MZT2A: variants seen among roughly 807,000 people sequenced by gnomAD.
The protein encoded by MZT2A is mitotic-spindle organizing protein 2A.
In MZT2A, 8 loss-of-function variants were observed where a neutral mutation model predicts 12.4. The observed-to-expected ratio is 0.64, with a 90% CI of 0.38 to 1.16. The LOEUF (loss-of-function observed/expected upper bound fraction) is 1.16, where lower values mean the gene tolerates loss of function less well. Ranked by LOEUF, MZT2A falls within the 50% of genes most tolerant of loss-of-function variation. The pLI, the probability that MZT2A is intolerant of heterozygous loss-of-function variation, is 0.01. For synonymous variants in MZT2A, 88 were observed against 107.5 expected, an observed-to-expected ratio of 0.82 and a Z score of 1.12; for missense variants, 181 against 223.6, an observed-to-expected ratio of 0.81 and a Z score of 1.22.
chr2:131,486,129 C>T (rs887551139), intron 2 of MZT2A, among the ~76,000 whole-genome samples: 4 of 150,792 alleles, frequency 2.7e-5, no homozygotes, highest in South Asian at 2.1e-4. Context: ...CAAGGAGGAG[C>T]GCAGTCAGGA....
chr2:131,492,819 C>T (rs1241470270), upstream of MZT2A: 129 of 1,444,312 alleles, frequency 8.9e-5, no homozygotes, highest in African/African-American at 2.3e-4. Context: ...ACCCTGCTTA[C>T]GCGCACGCGC....
chr2:131,477,551 C>T (rs187852647), intron 2 of MZT2A, among the ~76,000 whole-genome samples: 2,458 of 145,516 alleles, frequency 0.017, 61 homozygotes, highest in African/African-American at 0.064. Flanking sequence ...GAGGGAGTAC[C>T]CTGGCACTGC....
chr2:131,475,319 C>CTTTTTTTTTT (rs551443616), intron 2 of MZT2A, among the ~76,000 whole-genome samples: 1 of 94,516 alleles, frequency 1.1e-5, no homozygotes, highest in Non-Finnish European at 1.9e-5. Flanking sequence ...TCCTTTCTTC[C>CTTTTTTTTTT]TTTTTTTTTT....
chr2:131,481,528 C>T (rs1355662379), downstream of MZT2A, among the ~76,000 whole-genome samples: 7 of 151,462 alleles, frequency 4.6e-5, no homozygotes, highest in Admixed American at 1.3e-4. Context: ...CTCCACCTCC[C>T]GGGCTCAAGC....
upstream of MZT2A, among the ~76,000 whole-genome samples, chr2:131,493,745 C>T (rs1307908481): frequency 1.3e-5 from 2 of 152,126 alleles, no homozygotes; most frequent in Non-Finnish European, 2.9e-5. Flanking sequence ...AGAGTCGCGA[C>T]GAAGTGGACT....
At chr2:131,489,174 C>T (rs1177819340) in intron 2 of MZT2A, among the ~76,000 whole-genome samples, 2 of 152,126 alleles carry the variant, frequency 1.3e-5, no homozygotes, top group African/African-American at 4.8e-5. Context: ...AACTCCATTG[C>T]TAGTGGTTTT....
chr2:131,492,876 G>C (rs563372583), upstream of MZT2A: 11 of 1,501,496 alleles, frequency 7.3e-6, no homozygotes, highest in Admixed American at 6.1e-5. Context: ...TGGGGCGCCA[G>C]AGGCCGCCAC....
intron 2 of MZT2A, among the ~76,000 whole-genome samples, chr2:131,484,723 T>G (rs1222852863): frequency 6.6e-6 from 1 of 152,148 alleles, no homozygotes; most frequent in Non-Finnish European, 1.5e-5. Flanking sequence ...GTTTCTGATT[T>G]TGATTTTGGA....
At chr2:131,485,156 C>T (rs1019085591) in intron 2 of MZT2A, among the ~76,000 whole-genome samples, 5 of 152,130 alleles carry the variant, frequency 3.3e-5, no homozygotes, top group African/African-American at 1.2e-4. Context: ...GGGGTCTGAC[C>T]CGTGGGCTCT....
At position 131,478,148 on chromosome 2, in the gene MZT2A, A is replaced by C. The variant is rs781067007; in HGVS notation, c.279-5966T>G. The C allele has an allele frequency of 6.2e-6, 10 of 1,606,160 alleles. No individual in the cohort carries two copies. The East Asian group carries it at 2.0e-4, about 32-fold the overall frequency. Reference sequence around the variant, plus strand: ...CCTTGAAATGAATGGGTTCACTTTTATGTTCCTGTTCACAGCGCGAGTGTA... The same window carrying C: ...CCTTGAAATGAATGGGTTCACTTTTCTGTTCCTGTTCACAGCGCGAGTGTA... On this transcript the variant is annotated intron_variant and NMD_transcript_variant, in intron 2 of 4. Coordinates refer to the MZT2A transcript ENST00000427024.
intron 1 of MZT2A, 89 bp downstream of exon 1, chr2:131,492,118 G>T: frequency 6.5e-7 from 1 of 1,550,064 alleles, no homozygotes. Context: ...GGGCAGCGGG[G>T]GCTCCTCCCG....
At chr2:131,491,542 G>A (rs997951389) in intron 2 of MZT2A, 1 of 475,292 alleles carries the variant, frequency 2.1e-6, no homozygotes, top group Admixed American at 3.7e-5. Flanking sequence ...TTATAGGCGT[G>A]AGCCACGGCG....
upstream of MZT2A, chr2:131,493,245 C>T (rs2104746911): frequency 7.4e-7 from 1 of 1,351,738 alleles, no homozygotes; most frequent in Non-Finnish European, 9.5e-7. Flanking sequence ...AGGACTCGGG[C>T]GGCCCGGCGG....
At chr2:131,472,307 A>G in intron 2 of MZT2A, 1 of 740,140 alleles carries the variant, frequency 1.4e-6, no homozygotes, top group Non-Finnish European at 1.9e-6. Flanking sequence ...TTATTGCTGT[A>G]TACTAAATAA....
chr2:131,483,975 G>T lies in MZT2A; in HGVS notation c.*86C>A, dbSNP rs563637156. 2 of 1,505,336 alleles carry T rather than the reference G, an allele frequency of 1.3e-6. No homozygotes were observed. The highest frequency in any genetic ancestry group is 1.8e-6 in the Non-Finnish European group (2 of 1,126,654). 93.2% of individuals were successfully genotyped at this position (1,505,336 alleles called of 1,614,324 possible). On this transcript the variant is annotated 3_prime_UTR_variant, in exon 3 of 3. Transcript: ENST00000309451. Reference sequence around the variant, plus strand: ...AGAGAGCATCTGACCTGGACCCTCTGCATCTCAGAAAGGTTTATTATCAAC... The same window carrying T: ...AGAGAGCATCTGACCTGGACCCTCTTCATCTCAGAAAGGTTTATTATCAAC...
chr2:131,488,742 C>T (rs1216181935), intron 2 of MZT2A, among the ~76,000 whole-genome samples: 1 of 152,156 alleles, frequency 6.6e-6, no homozygotes, highest in Non-Finnish European at 1.5e-5. Flanking sequence ...TCCTCAGGTT[C>T]CACTCTATCC....
chr2:131,487,232 T>C (rs1319438667), intron 2 of MZT2A, among the ~76,000 whole-genome samples: 1 of 152,118 alleles, frequency 6.6e-6, no homozygotes, highest in Non-Finnish European at 1.5e-5. Flanking sequence ...GTAATTCCAG[T>C]GCTTTGGGAG....
At chr2:131,483,947 A>ATG (rs1454267067), downstream of MZT2A, 1 of 1,441,394 alleles carries the variant, frequency 6.9e-7, no homozygotes, top group African/African-American at 1.5e-5. Flanking sequence ...AAAAAAAAAC[A>ATG]GTAGAGAGCA....
intron 2 of MZT2A, among the ~76,000 whole-genome samples, chr2:131,487,356 C>T (rs569732924): frequency 6.6e-6 from 1 of 152,162 alleles, no homozygotes; most frequent in Admixed American, 6.5e-5. Context: ...TAGTGTGCAC[C>T]TGTAGTCCCA....
Sources: gnomAD v4.1 joint callset for allele counts (sites outside exome capture counted in the v4.1 genomes callset) on GRCh38, gnomAD v4.1.1 for gene constraint, MANE v1.5 for transcripts, NCBI Gene and HGNC (gene_info 2026-07-23, HGNC 2026-07-21) for gene names.